The following CTNNA1 variants were observed in gnomAD, a reference collection of about 807,000 sequenced individuals.
CTNNA1 encodes the protein catenin alpha-1.
CTNNA1 carries 37 observed loss-of-function variants against 98.4 expected under a neutral mutation model. The ratio of observed to expected loss-of-function variants is 0.38; its 90% CI spans 0.29 to 0.49. The LOEUF is 0.49. CTNNA1 is among the 20% of genes least tolerant of loss of function. The probability of loss-of-function intolerance (pLI) is 0.95; values close to 1 mark genes in which losing one functional copy is unlikely to be tolerated. For synonymous variants in CTNNA1, 404 were observed against 413.2 expected (o/e 0.98, Z 0.27); for missense variants, 761 against 1,147.2 (o/e 0.66, Z 4.86).
chr5:138,901,154 CCT>C (rs1431801452), intron 9 of CTNNA1, among the ~76,000 whole-genome samples: 6 of 151,986 alleles, frequency 3.9e-5, no homozygotes, highest in Non-Finnish European at 8.8e-5. Context: ...CCTCCCCTCC[CCT>C]CTTTTCTCTT....
intron 7 of CTNNA1, among the ~76,000 whole-genome samples, chr5:138,861,787 G>A (rs1179947541): frequency 6.6e-6 from 1 of 152,212 alleles, no homozygotes; most frequent in Non-Finnish European, 1.5e-5. Context: ...AGAGCAAAGA[G>A]AAGCGTGGAC....
chr5:138,757,897 A>C (rs1334806420), intron 1 of CTNNA1, among the ~76,000 whole-genome samples: 1 of 152,212 alleles, frequency 6.6e-6, no homozygotes, highest in African/African-American at 2.4e-5. Context: ...ATTTGGGCAA[A>C]CTGAGAACCA....
At chr5:138,909,832 C>T (rs906582493) in intron 10 of CTNNA1, among the ~76,000 whole-genome samples, 17 of 152,176 alleles carry the variant, frequency 1.1e-4, no homozygotes, top group African/African-American at 3.9e-4. Context: ...GCTGGCCTGG[C>T]CCCTAGCTCT....
At chr5:138,834,719 G>A (rs1052814746) in intron 7 of CTNNA1, among the ~76,000 whole-genome samples, 9 of 152,086 alleles carry the variant, frequency 5.9e-5, no homozygotes, top group Non-Finnish European at 1.2e-4. Flanking sequence ...TTCTAAAATT[G>A]GATATCCTAG....
chr5:138,846,457 C>T (rs529788875), intron 7 of CTNNA1, among the ~76,000 whole-genome samples: 9 of 152,188 alleles, frequency 5.9e-5, no homozygotes, highest in East Asian at 1.9e-4. Flanking sequence ...TATTTACATG[C>T]GTTTCACATG....
At chr5:138,878,827 G>A (rs1323600387) in intron 7 of CTNNA1, among the ~76,000 whole-genome samples, 1 of 152,144 alleles carries the variant, frequency 6.6e-6, no homozygotes, top group African/African-American at 2.4e-5. Context: ...CAAAAATTGT[G>A]TATGCCCTGG....
At chr5:138,806,659 A>C (rs1355629111) in intron 3 of CTNNA1, among the ~76,000 whole-genome samples, 2 of 151,724 alleles carry the variant, frequency 1.3e-5, no homozygotes, top group Non-Finnish European at 2.9e-5. Flanking sequence ...TGGCCTTTCT[A>C]CTCCCATCTT....
chr5:138,774,616 C>T (rs1164073369), intron 1 of CTNNA1, among the ~76,000 whole-genome samples: 1 of 151,786 alleles, frequency 6.6e-6, no homozygotes, highest in African/African-American at 2.4e-5. Flanking sequence ...GCATATTGTG[C>T]TGTTGTGCCA....
intron 7 of CTNNA1, among the ~76,000 whole-genome samples, chr5:138,834,097 G>A (rs560173104): frequency 4.6e-5 from 7 of 152,104 alleles, no homozygotes; most frequent in Non-Finnish European, 7.4e-5. Context: ...GTGAAGTGAA[G>A]CACTCAATTT....
chr5:138,922,548 A>G (rs924625498), intron 11 of CTNNA1, among the ~76,000 whole-genome samples: 2 of 152,240 alleles, frequency 1.3e-5, no homozygotes, highest in African/African-American at 2.4e-5. Flanking sequence ...AAGCACACCT[A>G]TAAATAATGT....
intron 5 of CTNNA1, among the ~76,000 whole-genome samples, chr5:138,812,917 A>G (rs1382774746): frequency 1.3e-5 from 2 of 152,200 alleles, no homozygotes; most frequent in Non-Finnish European, 2.9e-5. Flanking sequence ...AGATCCATAT[A>G]TTGCTATCCA....
intron 3 of CTNNA1, among the ~76,000 whole-genome samples, chr5:138,794,041 G>A (rs1321088950): frequency 2.1e-5 from 3 of 143,778 alleles, no homozygotes; most frequent in East Asian, 4.0e-4. Context: ...TTTTTAAGAC[G>A]GAGTCTTGCT....
chr5:138,888,586 A>T (rs288022), intron 9 of CTNNA1, among the ~76,000 whole-genome samples: 2 of 151,642 alleles, frequency 1.3e-5, no homozygotes, highest in African/African-American at 4.9e-5. Context: ...CTTGCTGTGT[A>T]GCCCAGGCTG....
At chr5:138,828,927 C>T (rs1760990202) in intron 7 of CTNNA1, among the ~76,000 whole-genome samples, 1 of 152,106 alleles carries the variant, frequency 6.6e-6, no homozygotes, top group African/African-American at 2.4e-5. Context: ...AGTTTGAGAC[C>T]ATCTTGGGCA....
intron 3 of CTNNA1, among the ~76,000 whole-genome samples, chr5:138,784,193 A>G (rs1425309374): frequency 6.6e-6 from 1 of 152,202 alleles, no homozygotes; most frequent in African/African-American, 2.4e-5. Context: ...CATGAGCCAC[A>G]GTGCCCGGCC....
chr5:138,901,644 G>T (rs1344856412), intron 9 of CTNNA1, among the ~76,000 whole-genome samples: 2 of 152,124 alleles, frequency 1.3e-5, no homozygotes, highest in Non-Finnish European at 2.9e-5. Context: ...GCCCAGGCTG[G>T]TCACAAACTC....
chr5:138,878,405 T>C (rs288033), intron 7 of CTNNA1, among the ~76,000 whole-genome samples: 53,022 of 152,208 alleles, frequency 0.35, 9,974 homozygotes, highest in African/African-American at 0.5. Context: ...CTCTTGGTTT[T>C]GCTGTAGAGC....
intron 5 of CTNNA1, among the ~76,000 whole-genome samples, chr5:138,817,117 C>T (rs905860382): frequency 1.6e-4 from 24 of 152,178 alleles, no homozygotes; most frequent in African/African-American, 5.8e-4. Flanking sequence ...ATATTTTCTC[C>T]TGTTCTTCAG....
At chr5:138,767,086 G>C (rs1157687069) in intron 1 of CTNNA1, among the ~76,000 whole-genome samples, 3 of 152,094 alleles carry the variant, frequency 2.0e-5, no homozygotes, top group East Asian at 3.9e-4. Flanking sequence ...GTCCAGGCTG[G>C]AGTGCAGTGG....
Sources: gnomAD v4.1 joint callset for allele counts (sites outside exome capture counted in the v4.1 genomes callset) on GRCh38, gnomAD v4.1.1 for gene constraint, MANE v1.5 for transcripts, NCBI Gene and HGNC (gene_info 2026-07-23, HGNC 2026-07-21) for gene names.